Variants in EXOC6B observed in about 807,000 individuals in gnomAD.
EXOC6B encodes the protein exocyst complex component 6B.
A neutral mutation model predicts 113.5 loss-of-function variants in EXOC6B; 54 were observed. The ratio of observed to expected loss-of-function variants is 0.48; its 90% CI spans 0.38 to 0.60. The LOEUF (loss-of-function observed/expected upper bound fraction) is 0.60. Among genes scored for constraint, EXOC6B ranks in the 20% least tolerant of loss-of-function variants. The pLI, the probability that EXOC6B is intolerant of heterozygous loss-of-function variation, is 0.00. For synonymous variants in EXOC6B, 357 were observed against 339.0 expected (o/e 1.05, Z -0.58); for missense variants, 797 against 977.5 (o/e 0.82, Z 2.46).
chr2:72,253,964 T>C (rs1273548824), intron 20 of EXOC6B, among the ~76,000 whole-genome samples: 1 of 152,008 alleles, frequency 6.6e-6, no homozygotes, highest in Non-Finnish European at 1.5e-5. Context: ...ATCAAGACCA[T>C]CCTGGCTAAC....
chr2:72,654,809 T>C (rs1393562594), intron 6 of EXOC6B, among the ~76,000 whole-genome samples: 1 of 152,226 alleles, frequency 6.6e-6, no homozygotes, highest in Admixed American at 6.5e-5. Context: ...TTTATGATTT[T>C]ATAGGTTAAT....
intron 11 of EXOC6B, among the ~76,000 whole-genome samples, chr2:72,500,263 T>C (rs561794487): frequency 6.6e-6 from 1 of 152,270 alleles, no homozygotes; most frequent in African/African-American, 2.4e-5. Context: ...TTGACACTTT[T>C]AAAAATGAAC....
intron 18 of EXOC6B, among the ~76,000 whole-genome samples, chr2:72,409,539 A>G (rs1694021376): frequency 6.6e-6 from 1 of 152,216 alleles, no homozygotes; most frequent in South Asian, 2.1e-4. Context: ...ATGCAGCCAT[A>G]AAAAATGATG....
chr2:72,537,681 T>C (rs1702377486), intron 8 of EXOC6B, among the ~76,000 whole-genome samples: 1 of 152,112 alleles, frequency 6.6e-6, no homozygotes, highest in African/African-American at 2.4e-5. Context: ...GAGTAGCTTA[T>C]ATAAAAATTC....
chr2:72,525,664 A>C (rs1185548290), intron 8 of EXOC6B, among the ~76,000 whole-genome samples: 1 of 152,162 alleles, frequency 6.6e-6, no homozygotes. Flanking sequence ...AATATGATTT[A>C]ATCAATTTGT....
intron 8 of EXOC6B, among the ~76,000 whole-genome samples, chr2:72,542,826 T>C (rs1183947899): frequency 6.6e-6 from 1 of 152,192 alleles, no homozygotes; most frequent in Non-Finnish European, 1.5e-5. Flanking sequence ...AAAGGGCATC[T>C]TGAGCAAGCC....
intron 12 of EXOC6B, 104 bp downstream of exon 12, chr2:72,499,797 G>T: frequency 2.7e-6 from 2 of 730,078 alleles, no homozygotes; most frequent in Non-Finnish European, 4.7e-6. Context: ...GGCTTCCAAA[G>T]AACTATGATT....
chr2:72,312,241 A>AAGG (rs1167441413), intron 20 of EXOC6B, among the ~76,000 whole-genome samples: 1 of 152,140 alleles, frequency 6.6e-6, no homozygotes, highest in Non-Finnish European at 1.5e-5. Context: ...ACTGGCAGGC[A>AAGG]AGGTCCTTAC....
chr2:72,446,778 G>A (rs977541960), intron 18 of EXOC6B, among the ~76,000 whole-genome samples: 4 of 152,116 alleles, frequency 2.6e-5, no homozygotes, highest in African/African-American at 7.2e-5. Context: ...TAAAATAAAC[G>A]TTTTTTAAAA....
chr2:72,451,512 A>C (rs1696911759), intron 18 of EXOC6B, among the ~76,000 whole-genome samples: 1 of 152,202 alleles, frequency 6.6e-6, no homozygotes. Context: ...CAATTGCAGA[A>C]ATCTATAAAG....
At chr2:72,537,297 C>G (rs1702349086) in intron 8 of EXOC6B, among the ~76,000 whole-genome samples, 1 of 152,030 alleles carries the variant, frequency 6.6e-6, no homozygotes, top group South Asian at 2.1e-4. Context: ...TTCTCTGTAG[C>G]TAGAACAGTT....
At chr2:72,439,756 C>T (rs1315675192) in intron 18 of EXOC6B, among the ~76,000 whole-genome samples, 1 of 152,138 alleles carries the variant, frequency 6.6e-6, no homozygotes, top group African/African-American at 2.4e-5. Flanking sequence ...AGTTCTGAAC[C>T]CTTGCTGGAG....
intron 20 of EXOC6B, among the ~76,000 whole-genome samples, chr2:72,322,504 G>A (rs894004190): frequency 2.6e-5 from 4 of 151,886 alleles, no homozygotes; most frequent in Non-Finnish European, 4.4e-5. Flanking sequence ...GGTGGTGGTG[G>A]GTACATGGAG....
intron 19 of EXOC6B, among the ~76,000 whole-genome samples, chr2:72,359,206 A>G (rs1690153612): frequency 6.6e-6 from 1 of 152,198 alleles, no homozygotes; most frequent in Non-Finnish European, 1.5e-5. Context: ...TCTAAAATTC[A>G]TGGTGAAATT....
rs575849766 is a variant in EXOC6B, at chr2:72,401,669, A to G, written c.1981-21799T>C. Among the ~76,000 whole-genome samples the G allele has an allele frequency of 8.3e-4, 79 of 95,236 alleles. 3 individuals are homozygous for G. Among genetic ancestry groups the G allele is most frequent in the South Asian group, 3.7e-3 (13 of 3,478 alleles). The allele number at this position is 95,236 out of a possible 152,430, so 62.5% of individuals were successfully genotyped here. ...TACATATATATATATATATATATGT[A>G]TATATATATATATATATGAAAAAGA... is the stretch of plus-strand genomic sequence containing the variant. On this transcript the variant is annotated intron_variant, in intron 18 of 21. Transcript: ENST00000272427.
intron 11 of EXOC6B, among the ~76,000 whole-genome samples, chr2:72,500,273 C>T (rs1389363266): frequency 1.3e-5 from 2 of 152,048 alleles, no homozygotes; most frequent in African/African-American, 4.8e-5. Context: ...TAAAAATGAA[C>T]AACTATAAAA....
chr2:72,676,006 G>A lies in EXOC6B; in HGVS notation c.669+42097C>T, dbSNP rs1252636791. 5.3e-5 allele frequency among the ~76,000 whole-genome samples: 8 copies of A among 151,284 alleles called. No individual in the cohort carries two copies. The South Asian group carries it at 1.5e-3, about 28-fold the overall frequency. ...ACAAACACACAGACACCCCTTCACT[G>A]ACTTTTTCCAAAAAAGTTCTCATTG... On this transcript the variant is annotated intron_variant, in intron 6 of 21. Transcript: ENST00000272427.
At chr2:72,218,952 T>C (rs541511545) in intron 20 of EXOC6B, among the ~76,000 whole-genome samples, 225 of 147,296 alleles carry the variant, frequency 1.5e-3, no homozygotes, top group African/African-American at 5.5e-3. Context: ...CTGGCCAATA[T>C]GCTATTTCTT....
At chr2:72,454,987 G>A (rs1697130507) in intron 18 of EXOC6B, among the ~76,000 whole-genome samples, 1 of 151,872 alleles carries the variant, frequency 6.6e-6, no homozygotes, top group Non-Finnish European at 1.5e-5. Context: ...CATGGAAACA[G>A]GAAACATAAA....
Sources: allele counts gnomAD v4.1 joint callset (sites outside exome capture counted in the v4.1 genomes callset), GRCh38; gene constraint gnomAD v4.1.1; transcripts MANE v1.5; gene names NCBI Gene and HGNC (gene_info 2026-07-23, HGNC 2026-07-21).